CNTN1: variants seen among roughly 807,000 people sequenced by gnomAD.
CNTN1 encodes contactin 1, also known as contactin-1.
CNTN1 carries 38 observed loss-of-function variants against 126.4 expected under a neutral mutation model. The observed-to-expected ratio is 0.30, with a 90% confidence interval of 0.23 to 0.39. The LOEUF (loss-of-function observed/expected upper bound fraction) is 0.39, where lower values mean the gene tolerates loss of function less well. CNTN1 is among the 10% of genes least tolerant of loss of function. The pLI is 1.00. For missense variants in CNTN1, 1,009 were observed against 1,248.4 expected (o/e 0.81, Z 2.89); for synonymous variants, 413 against 422.6 (o/e 0.98, Z 0.28).
intron 23 of CNTN1, chr12:41,061,791 A>G (rs1345486493): frequency 2.2e-6 from 1 of 455,838 alleles, no homozygotes; most frequent in African/African-American, 2.0e-5. Context: ...GAGAAGTAAA[A>G]CAGCCAAAGA....
At chr12:40,856,552 A>G (rs1420927769) in intron 1 of CNTN1, among the ~76,000 whole-genome samples, 1 of 152,158 alleles carries the variant, frequency 6.6e-6, no homozygotes, top group Non-Finnish European at 1.5e-5. Context: ...GAAGATGCAG[A>G]GAAAGCACAA....
intron 15 of CNTN1, among the ~76,000 whole-genome samples, chr12:40,964,011 G>T (rs1259138595): frequency 6.6e-6 from 1 of 151,900 alleles, no homozygotes; most frequent in Non-Finnish European, 1.5e-5. Flanking sequence ...ATAAAATTAG[G>T]CCCCAAATGA....
chr12:41,029,308 C>T, intron 23 of CNTN1, 89 bp downstream of exon 23: 8 of 1,382,030 alleles, frequency 5.8e-6, no homozygotes, highest in Non-Finnish European at 7.2e-6. Context: ...AAGCCTGATA[C>T]ACCAGTGTCC....
intron 23 of CNTN1, among the ~76,000 whole-genome samples, chr12:41,041,625 C>T (rs1468156026): frequency 1.3e-5 from 2 of 152,132 alleles, no homozygotes; most frequent in Admixed American, 6.5e-5. Flanking sequence ...GAGTCAACTT[C>T]GTCCTGGTTT....
intron 1 of CNTN1, among the ~76,000 whole-genome samples, chr12:40,754,658 T>C (rs1285878969): frequency 6.6e-6 from 1 of 152,092 alleles, no homozygotes; most frequent in African/African-American, 2.4e-5. Flanking sequence ...GTTATTTGTA[T>C]TTTGATGATA....
chr12:40,804,312 T>A (rs1596519), intron 1 of CNTN1, among the ~76,000 whole-genome samples: 88,851 of 151,944 alleles, frequency 0.58, 28,117 homozygotes, highest in East Asian at 0.74. Flanking sequence ...TGACAAGATA[T>A]GTGTACATAA....
chr12:40,776,939 A>T (rs908114560), intron 1 of CNTN1, among the ~76,000 whole-genome samples: 2 of 151,452 alleles, frequency 1.3e-5, no homozygotes, highest in South Asian at 4.2e-4. Context: ...TTTTTTGTTT[A>T]TCTTGTATAT....
chr12:40,788,852 G>C (rs1281401440), intron 1 of CNTN1, among the ~76,000 whole-genome samples: 4 of 152,052 alleles, frequency 2.6e-5, no homozygotes, highest in Admixed American at 2.6e-4. Flanking sequence ...TCGTGCTATT[G>C]TTAGGATTAA....
chr12:40,868,768 A>G (rs1389417112), intron 1 of CNTN1, among the ~76,000 whole-genome samples: 1 of 152,090 alleles, frequency 6.6e-6, no homozygotes, highest in Non-Finnish European at 1.5e-5. Context: ...ACGTGCAGTC[A>G]ATTATAAATT....
At chr12:40,988,401 A>G (rs1465958512) in intron 16 of CNTN1, among the ~76,000 whole-genome samples, 1 of 152,174 alleles carries the variant, frequency 6.6e-6, no homozygotes, top group Non-Finnish European at 1.5e-5. Flanking sequence ...AAAGTCTACA[A>G]TGGAGGGGCT....
In CNTN1 at chr12:40,939,494, T is replaced by C. The variant is rs1315290804; in HGVS notation, c.1379+9T>C. 6.2e-7 allele frequency: 1 copy of C among 1,613,588 alleles called. No individual in the cohort carries two copies. The highest frequency in any genetic ancestry group is 1.1e-5 in the South Asian group (1 of 91,064). On this transcript the variant is annotated intron_variant, in intron 12 of 23. Coordinates refer to ENST00000551295, the MANE Select transcript of CNTN1 (RefSeq NM_001843.4). The stretch of plus-strand genomic sequence containing the variant: ...CTTGTCAATAGCAGCAGGTCAGTGC[T>C]GAAACTAGAAATCCAATTGCAAAAT...
At chr12:40,953,981 AT>A (rs1448407855) in intron 14 of CNTN1, among the ~76,000 whole-genome samples, 2 of 152,064 alleles carry the variant, frequency 1.3e-5, no homozygotes. Context: ...TCTGCCCTCA[AT>A]TTTTTGTTGT....
At position 40,813,038 on chromosome 12, in the gene CNTN1, CCTTTCTTT is replaced by C. The variant is rs72232368; in HGVS notation, c.-76-95303_-76-95296del. ...ATCCTTTCTTTCTTTCTCTTTCTTTCCTTTCTTTCTTTCTTTCTTTCTTCCTTCCTTCC... is the reference window on the plus strand; with the variant it reads ...ATCCTTTCTTTCTTTCTCTTTCTTTCCTTTCTTTCTTTCTTCCTTCCTTCC... On this transcript the variant is annotated intron_variant, in intron 1 of 23. Coordinates refer to ENST00000551295, the MANE Select transcript of CNTN1 (RefSeq NM_001843.4). Among the ~76,000 whole-genome samples the C allele has an allele frequency of 3.2e-3, 271 of 84,962 alleles. 3 individuals are homozygous for C. Among genetic ancestry groups the C allele is most frequent in the Non-Finnish European group, 4.7e-3 (187 of 40,156 alleles). 55.7% of individuals were successfully genotyped at this position (84,962 alleles called of 152,430 possible). A position where few individuals can be genotyped will look rare whatever the true frequency, so the allele number is the denominator to read the frequency against.
chr12:40,860,888 C>T (rs937660729), intron 1 of CNTN1, among the ~76,000 whole-genome samples: 1 of 152,076 alleles, frequency 6.6e-6, no homozygotes, highest in African/African-American at 2.4e-5. Context: ...TTTCTGGCAA[C>T]CAGCTCCCTC....
At chr12:41,024,415 CTTTA>C (rs1948993224) in intron 20 of CNTN1, among the ~76,000 whole-genome samples, 2 of 151,558 alleles carry the variant, frequency 1.3e-5, no homozygotes, top group Admixed American at 6.6e-5. Context: ...GCAAAAAAGC[CTTTA>C]TTTAAAGATG....
intron 9 of CNTN1, among the ~76,000 whole-genome samples, chr12:40,934,977 C>A (rs1791743775): frequency 6.6e-6 from 1 of 151,988 alleles, no homozygotes; most frequent in South Asian, 2.1e-4. Flanking sequence ...CTTGTATAAT[C>A]TTTCATTCTC....
chr12:40,886,781 C>T (rs1265268697), intron 1 of CNTN1, among the ~76,000 whole-genome samples: 1 of 152,142 alleles, frequency 6.6e-6, no homozygotes, highest in Admixed American at 6.6e-5. Flanking sequence ...CAGCTTTCTA[C>T]ATATGGCTAG....
chr12:40,779,614 A>G (rs1483496189), intron 1 of CNTN1, among the ~76,000 whole-genome samples: 1 of 151,922 alleles, frequency 6.6e-6, no homozygotes, highest in Non-Finnish European at 1.5e-5. Flanking sequence ...ACATTCTTTT[A>G]AATGTGTTTC....
At chr12:40,925,832 A>ATG (rs1194013333) in intron 6 of CNTN1, among the ~76,000 whole-genome samples, 32 of 76,356 alleles carry the variant, frequency 4.2e-4, no homozygotes, top group South Asian at 3.8e-3. Flanking sequence ...ATATATATGT[A>ATG]TGTGTGTGTG....
Sources: gnomAD v4.1 joint callset for allele counts (sites outside exome capture counted in the v4.1 genomes callset) on GRCh38, gnomAD v4.1.1 for gene constraint, MANE v1.5 for transcripts, NCBI Gene and HGNC (gene_info 2026-07-23, HGNC 2026-07-21) for gene names.